Variants in CSMD1 observed in about 807,000 individuals in gnomAD.
CSMD1 encodes the protein CUB and sushi domain-containing protein 1.
In CSMD1, 213 loss-of-function variants were observed where a neutral mutation model predicts 417.5. That is an observed-to-expected ratio of 0.51 (90% CI 0.46 to 0.57). The LOEUF is 0.57. CSMD1 is among the 20% of genes least tolerant of loss of function. CSMD1 has a pLI of 0.00. For synonymous variants in CSMD1, 2,862 were observed against 1,736.8 expected (o/e 1.65, Z -16.11); for missense variants, 6,923 against 4,529.7 (o/e 1.53, Z -15.17).
At chr8:4,205,184 T>A (rs1217084200) in intron 3 of CSMD1, among the ~76,000 whole-genome samples, 10 of 152,242 alleles carry the variant, frequency 6.6e-5, no homozygotes, top group Admixed American at 6.5e-5. Flanking sequence ...AAGAAACATC[T>A]GATTTAAATA....
intron 3 of CSMD1, among the ~76,000 whole-genome samples, chr8:4,166,632 G>A (rs750852243): frequency 1.3e-5 from 2 of 152,142 alleles, no homozygotes; most frequent in Non-Finnish European, 2.9e-5. Context: ...GCAGGGGACA[G>A]AAGACTGCAT....
intron 18 of CSMD1, among the ~76,000 whole-genome samples, chr8:3,372,925 G>A (rs372547266): frequency 2.0e-5 from 3 of 152,236 alleles, no homozygotes; most frequent in South Asian, 4.1e-4. Flanking sequence ...AGCAGAGGAC[G>A]GAGGAGTCCC....
At position 4,840,370 on chromosome 8, in the gene CSMD1, GC is replaced by G. The variant is rs1364500727; in HGVS notation, c.85+153961del. 4.6e-5 allele frequency among the ~76,000 whole-genome samples: 7 copies of G among 152,248 alleles called. No individual in the cohort carries two copies. The East Asian group carries it at 1.2e-3, about 25-fold the overall frequency. ...CAATGATGATAACTGTATGAAACTA[GC>G]CGATTACTTGCTACTAATGTTGAAC... On this transcript the variant is annotated intron_variant, in intron 1 of 69. Coordinates refer to ENST00000635120, the MANE Select transcript of CSMD1 (RefSeq NM_033225.6).
chr8:3,670,533 C>T (rs866782830), intron 7 of CSMD1, among the ~76,000 whole-genome samples: 15 of 91,934 alleles, frequency 1.6e-4, no homozygotes, highest in Admixed American at 5.3e-4. Context: ...ATACATATAT[C>T]CCATATACAT....
intron 3 of CSMD1, among the ~76,000 whole-genome samples, chr8:4,334,324 G>A (rs903942073): frequency 3.3e-4 from 50 of 152,142 alleles, no homozygotes; most frequent in Admixed American, 3.2e-3. Flanking sequence ...GGTATTTGTG[G>A]ATGTGAATGA....
intron 3 of CSMD1, among the ~76,000 whole-genome samples, chr8:4,115,474 C>A (rs574317476): frequency 2.4e-4 from 36 of 152,158 alleles, no homozygotes; most frequent in African/African-American, 8.0e-4. Context: ...ATATATAATG[C>A]TTTAGACGTA....
chr8:3,512,229 C>G (rs1309576952), intron 10 of CSMD1, among the ~76,000 whole-genome samples: 2 of 152,232 alleles, frequency 1.3e-5, no homozygotes, highest in Non-Finnish European at 2.9e-5. Flanking sequence ...CCTCGCGGGT[C>G]CACGTGCAGA....
chr8:4,240,963 C>T (rs1427705974), intron 3 of CSMD1, among the ~76,000 whole-genome samples: 5 of 152,088 alleles, frequency 3.3e-5, no homozygotes, highest in Admixed American at 6.6e-5. Context: ...CTTCTAAATA[C>T]CCTTTAAGTC....
intron 10 of CSMD1, among the ~76,000 whole-genome samples, chr8:3,554,281 A>G (rs1799044454): frequency 6.6e-6 from 1 of 152,276 alleles, no homozygotes; most frequent in Admixed American, 6.5e-5. Context: ...GTGGTAGGGA[A>G]TATCTTAAAT....
intron 5 of CSMD1, among the ~76,000 whole-genome samples, chr8:3,929,927 G>A (rs924482542): frequency 6.7e-6 from 1 of 150,112 alleles, no homozygotes; most frequent in Non-Finnish European, 1.5e-5. Flanking sequence ...CTCCCAAAGC[G>A]CTGGGATTAC....
intron 5 of CSMD1, among the ~76,000 whole-genome samples, chr8:3,930,934 A>C (rs1340062218): frequency 2.7e-5 from 4 of 150,634 alleles, no homozygotes; most frequent in Non-Finnish European, 5.9e-5. Flanking sequence ...AATTGTTGCT[A>C]GGATTCTTAA....
chr8:4,466,733 A>G (rs962497818), intron 2 of CSMD1, among the ~76,000 whole-genome samples: 10 of 152,140 alleles, frequency 6.6e-5, no homozygotes, highest in South Asian at 2.1e-4. Flanking sequence ...CAACAAATAC[A>G]TATTTCCAAT....
At chr8:4,814,678 C>G (rs1799103377) in intron 1 of CSMD1, among the ~76,000 whole-genome samples, 1 of 152,092 alleles carries the variant, frequency 6.6e-6, no homozygotes, top group African/African-American at 2.4e-5. Flanking sequence ...TATGGGTGAA[C>G]ACAACAGCAA....
chr8:4,100,696 C>G (rs1016512616), intron 3 of CSMD1, among the ~76,000 whole-genome samples: 2 of 152,124 alleles, frequency 1.3e-5, no homozygotes, highest in South Asian at 4.1e-4. Flanking sequence ...CTGGGAGACT[C>G]TTTAATTTTT....
At chr8:4,261,920 A>T (rs1364135573) in intron 3 of CSMD1, among the ~76,000 whole-genome samples, 8 of 152,214 alleles carry the variant, frequency 5.3e-5, no homozygotes, top group Non-Finnish European at 4.4e-5. Context: ...ATATAAATAA[A>T]TGCATGAATG....
At chr8:3,718,421 G>A (rs1394323518) in intron 6 of CSMD1, among the ~76,000 whole-genome samples, 2 of 152,030 alleles carry the variant, frequency 1.3e-5, no homozygotes, top group Non-Finnish European at 2.9e-5. Context: ...CCTTTCCTTG[G>A]TCAGGAAAAT....
intron 3 of CSMD1, among the ~76,000 whole-genome samples, chr8:4,348,376 T>C (rs1800896810): frequency 6.6e-6 from 1 of 152,094 alleles, no homozygotes; most frequent in South Asian, 2.1e-4. Flanking sequence ...ACGCTACAAG[T>C]GTTTAAAGAA....
rs1809087987 is a variant in CSMD1 at position 3,360,466 on chromosome 8, G to T, written c.3116-1126C>A. 2.0e-5 allele frequency among the ~76,000 whole-genome samples: 3 copies of T among 152,288 alleles called. No individual in the cohort carries two copies. In the South Asian group the frequency reaches 6.2e-4, roughly 32 times the overall value. On this transcript the variant is annotated intron_variant, in intron 20 of 69. Coordinates refer to ENST00000635120, the MANE Select transcript of CSMD1 (RefSeq NM_033225.6). ...GGGAAGTGAGAAAGTGTGGGTAAGT[G>T]CCTATTTGTTTGGTTTCCTCCTTCT...
intron 7 of CSMD1, among the ~76,000 whole-genome samples, chr8:3,642,854 T>G (rs145157042): frequency 0.017 from 2,618 of 152,048 alleles, 42 homozygotes; most frequent in South Asian, 0.046. Context: ...TGTGTATATC[T>G]ATATATAGAT....
Sources: gnomAD v4.1 joint callset for allele counts (sites outside exome capture counted in the v4.1 genomes callset) on GRCh38, gnomAD v4.1.1 for gene constraint, MANE v1.5 for transcripts, NCBI Gene and HGNC (gene_info 2026-07-23, HGNC 2026-07-21) for gene names.